The following MPPED2 variants were observed in gnomAD, a reference collection of about 807,000 sequenced individuals.
MPPED2 encodes metallophosphoesterase domain containing 2, also known as metallophosphoesterase MPPED2.
MPPED2 carries 5 observed loss-of-function variants against 33.0 expected under a neutral mutation model. That is an observed-to-expected ratio of 0.15 (90% CI 0.08 to 0.32). The LOEUF (loss-of-function observed/expected upper bound fraction) is 0.32. Ranked by LOEUF, MPPED2 falls within the 10% of genes least tolerant of loss-of-function variation. The pLI, the probability that MPPED2 is intolerant of heterozygous loss-of-function variation, is 1.00. For missense variants in MPPED2, 275 were observed against 372.1 expected (o/e 0.74, Z 2.15); for synonymous variants, 136 against 141.9 (o/e 0.96, Z 0.29).
intron 2 of MPPED2, among the ~76,000 whole-genome samples, chr11:30,567,941 A>G (rs1407084316): frequency 6.6e-6 from 1 of 152,168 alleles, no homozygotes; most frequent in Non-Finnish European, 1.5e-5. Context: ...GCAAAACCCT[A>G]AAAACTTCTT....
At position 30,440,255 on chromosome 11, in the gene MPPED2, G is replaced by A. The variant is rs1283759256; in HGVS notation, c.537-22622C>T. ...TCGGGCAGGAGAATTGCTTGAATCC[G>A]GGAGGCGGAGGTTGCAGTGAGCCGA... On this transcript the variant is annotated intron_variant, in intron 4 of 6. Transcript: ENST00000358117. Among the ~76,000 whole-genome samples the A allele has an allele frequency of 8.5e-5, 13 of 152,114 alleles. No homozygotes were observed. The East Asian group carries it at 2.1e-3, about 25-fold the overall frequency.
At chr11:30,534,724 A>G (rs1328152279) in intron 3 of MPPED2, among the ~76,000 whole-genome samples, 1 of 152,222 alleles carries the variant, frequency 6.6e-6, no homozygotes. Flanking sequence ...CAAATTAAGT[A>G]TAGTATTTTT....
chr11:30,582,958 G>A (rs1399299440), intron 1 of MPPED2, among the ~76,000 whole-genome samples: 1 of 152,016 alleles, frequency 6.6e-6, no homozygotes, highest in East Asian at 1.9e-4. Flanking sequence ...TCTTTAATCT[G>A]GAGTCCTTTG....
At position 30,554,072 on chromosome 11, in the gene MPPED2, C is replaced by G. The variant is rs551851820; in HGVS notation, c.129-17897G>C. On this transcript the variant is annotated intron_variant, in intron 2 of 6. Coordinates refer to ENST00000358117, the MANE Select transcript of MPPED2 (RefSeq NM_001584.3). ...TTGGTTTGTCTTGAGGCAGCCTGCC[C>G]AATTTAGAGTCCTTGGGTACTTTGT... Among the ~76,000 whole-genome samples the G allele has an allele frequency of 3.9e-5, 6 of 152,226 alleles. No individual in the cohort carries two copies. In the South Asian group the frequency reaches 1.2e-3, roughly 32 times the overall value.
At chr11:30,436,796 G>A (rs2133875873) in intron 4 of MPPED2, among the ~76,000 whole-genome samples, 1 of 152,308 alleles carries the variant, frequency 6.6e-6, no homozygotes, top group South Asian at 2.1e-4. Flanking sequence ...GATGGATTTA[G>A]GTCTAGCTGA....
intron 2 of MPPED2, among the ~76,000 whole-genome samples, chr11:30,559,514 T>A (rs1333042784): frequency 1.3e-5 from 2 of 152,276 alleles, no homozygotes; most frequent in East Asian, 3.9e-4. Flanking sequence ...GATGTGTCAA[T>A]TAAAAGCTTA....
intron 3 of MPPED2, among the ~76,000 whole-genome samples, chr11:30,516,748 C>T (rs918216377): frequency 6.6e-6 from 1 of 152,034 alleles, no homozygotes; most frequent in African/African-American, 2.4e-5. Flanking sequence ...AGTCCTGTGT[C>T]CAGCAAATGC....
At chr11:30,500,053 C>G (rs1339863448) in intron 3 of MPPED2, among the ~76,000 whole-genome samples, 1 of 152,162 alleles carries the variant, frequency 6.6e-6, no homozygotes, top group Admixed American at 6.6e-5. Flanking sequence ...TGATGGGCCA[C>G]TATATTAATA....
intron 4 of MPPED2, among the ~76,000 whole-genome samples, chr11:30,442,346 G>C (rs958867781): frequency 4.6e-5 from 7 of 152,196 alleles, no homozygotes; most frequent in Non-Finnish European, 7.3e-5. Flanking sequence ...TCTCTAATAG[G>C]AAAGAGTCTA....
downstream of MPPED2, among the ~76,000 whole-genome samples, chr11:30,405,440 C>T (rs1565035951): frequency 6.6e-6 from 1 of 152,162 alleles, no homozygotes; most frequent in Non-Finnish European, 1.5e-5. Flanking sequence ...CTTTTAGTTC[C>T]ACTGTGGCTG....
chr11:30,422,679 C>T (rs1210366722), intron 4 of MPPED2, among the ~76,000 whole-genome samples: 1 of 152,130 alleles, frequency 6.6e-6, no homozygotes, highest in Non-Finnish European at 1.5e-5. Flanking sequence ...TCCAAGGGAA[C>T]AATGTCTATT....
chr11:30,420,669 C>T (rs1948571147), intron 4 of MPPED2, among the ~76,000 whole-genome samples: 1 of 152,150 alleles, frequency 6.6e-6, no homozygotes, highest in African/African-American at 2.4e-5. Flanking sequence ...GAAGGTAGTG[C>T]TCTCTTTCCT....
chr11:30,399,231 A>G (rs902355973), intron 6 of MPPED2, among the ~76,000 whole-genome samples: 11 of 152,190 alleles, frequency 7.2e-5, no homozygotes, highest in Non-Finnish European at 1.5e-5. Context: ...CACAGGACTT[A>G]TGAGTCAACC....
intron 4 of MPPED2, among the ~76,000 whole-genome samples, chr11:30,471,742 G>A (rs1950953834): frequency 6.6e-6 from 1 of 152,172 alleles, no homozygotes; most frequent in Non-Finnish European, 1.5e-5. Flanking sequence ...ACAGTGAGCA[G>A]GCGTTCGATA....
intron 4 of MPPED2, among the ~76,000 whole-genome samples, chr11:30,458,730 G>A (rs1950385074): frequency 6.6e-6 from 1 of 152,056 alleles, no homozygotes; most frequent in African/African-American, 2.4e-5. Flanking sequence ...TACCACCAAA[G>A]GTTCTGATTC....
chr11:30,496,163 T>C (rs1352344492), intron 3 of MPPED2, among the ~76,000 whole-genome samples: 1 of 152,234 alleles, frequency 6.6e-6, no homozygotes, highest in African/African-American at 2.4e-5. Context: ...TTTAACCCTC[T>C]TTTAATATTT....
At chr11:30,384,288 G>A (rs1019987160), downstream of MPPED2, among the ~76,000 whole-genome samples, 4 of 152,094 alleles carry the variant, frequency 2.6e-5, no homozygotes, top group Non-Finnish European at 5.9e-5. Context: ...CAATAACCAA[G>A]TTTGTTAGCA....
At position 30,417,507 on chromosome 11, in the gene MPPED2, G is replaced by C; in HGVS notation, c.652+11C>G. 1 of 1,518,718 alleles carries C rather than the reference G, an allele frequency of 6.6e-7. No homozygotes were observed. Among genetic ancestry groups the C allele is most frequent in the African/African-American group, 1.4e-5 (1 of 72,362 alleles). The allele number at this position is 1,518,718 out of a possible 1,614,324, so 94.1% of individuals were successfully genotyped here. The stretch of plus-strand genomic sequence containing the variant: ...ATCTGGATGACAAAGGACAACCTTT[G>C]CTTCACTTACCTAGAGGAGGTCCAT... On this transcript the variant is annotated intron_variant, in intron 5 of 6. Coordinates refer to ENST00000358117, the MANE Select transcript of MPPED2 (RefSeq NM_001584.3).
chr11:30,447,737 TC>T (rs1767337141), intron 4 of MPPED2, among the ~76,000 whole-genome samples: 1 of 152,250 alleles, frequency 6.6e-6, no homozygotes, highest in African/African-American at 2.4e-5. Flanking sequence ...GTGGATTTTG[TC>T]CTTTGCTGAT....
Sources: allele counts gnomAD v4.1 joint callset (sites outside exome capture counted in the v4.1 genomes callset), GRCh38; gene constraint gnomAD v4.1.1; transcripts MANE v1.5; gene names NCBI Gene and HGNC (gene_info 2026-07-23, HGNC 2026-07-21).